Variants in RAD51B observed in about 807,000 individuals in gnomAD.
The protein encoded by RAD51B is DNA repair protein RAD51 homolog 2.
A neutral mutation model predicts 42.2 loss-of-function variants in RAD51B; 38 were observed. The observed-to-expected ratio is 0.90, with a 90% CI of 0.70 to 1.18. The LOEUF (loss-of-function observed/expected upper bound fraction) is 1.18, where lower values mean the gene tolerates loss of function less well. Ranked by LOEUF, RAD51B falls within the 50% of genes most tolerant of loss-of-function variation. The probability of loss-of-function intolerance (pLI) is 0.00; values close to 1 mark genes in which losing one functional copy is unlikely to be tolerated. For missense variants in RAD51B, 373 were observed against 400.7 expected (o/e 0.93, Z 0.59); for synonymous variants, 154 against 145.2 (o/e 1.06, Z -0.43).
At chr14:67,926,417 TTC>T (rs2044507845) in intron 7 of RAD51B, among the ~76,000 whole-genome samples, 1 of 152,172 alleles carries the variant, frequency 6.6e-6, no homozygotes, top group African/African-American at 2.4e-5. Context: ...AGTTAACAAG[TTC>T]GTCATCTTTA....
At chr14:68,033,313 A>C (rs774250567) in intron 7 of RAD51B, among the ~76,000 whole-genome samples, 48 of 152,268 alleles carry the variant, frequency 3.2e-4, no homozygotes, top group Non-Finnish European at 4.6e-4. Context: ...GTGGAAAATA[A>C]TAATGCTGCT....
At chr14:67,998,370 G>A (rs190751619) in intron 7 of RAD51B, among the ~76,000 whole-genome samples, 1 of 152,250 alleles carries the variant, frequency 6.6e-6, no homozygotes, top group East Asian at 1.9e-4. Flanking sequence ...GTCTATTTCG[G>A]AAAAATTAGA....
At chr14:68,511,949 T>A (rs998752725) in intron 10 of RAD51B, among the ~76,000 whole-genome samples, 1 of 152,260 alleles carries the variant, frequency 6.6e-6, no homozygotes, top group Non-Finnish European at 1.5e-5. Context: ...TAGGCACTGC[T>A]AATTTTGTTT....
At position 68,563,821 on chromosome 14, in the gene RAD51B, G is replaced by C. The variant is rs540532241; in HGVS notation, c.1037-30664G>C. ...ACAGCTCGGTAATGAGCAGTCCTTGGAACGTGCTTTTTTACCTCCTCTTGA... is the reference window on the plus strand; with the variant it reads ...ACAGCTCGGTAATGAGCAGTCCTTGCAACGTGCTTTTTTACCTCCTCTTGA... On this transcript the variant is annotated intron_variant, in intron 10 of 10. Transcript: ENST00000487270. 6.1e-5 allele frequency: 60 copies of C among 985,412 alleles called. No homozygotes were observed. In the African/African-American group the frequency reaches 1.0e-3, roughly 17 times the overall value. 61.0% of individuals were successfully genotyped at this position (985,412 alleles called of 1,614,324 possible). A position where few individuals can be genotyped will look rare whatever the true frequency, so the allele number is the denominator to read the frequency against.
intron 10 of RAD51B, among the ~76,000 whole-genome samples, chr14:68,633,961 CAG>C (rs1410790107): frequency 6.6e-6 from 1 of 152,200 alleles, no homozygotes; most frequent in East Asian, 1.9e-4. Flanking sequence ...AAAATGTGCA[CAG>C]AGAGAGTTTG....
intron 8 of RAD51B, among the ~76,000 whole-genome samples, chr14:68,342,579 CTCTCTCTCTCTG>C (rs764996409): frequency 6.6e-6 from 1 of 151,852 alleles, no homozygotes; most frequent in African/African-American, 2.4e-5. Context: ...CTCTCTCTCC[CTCTCTCTCTCTG>C]TCTCTCTCTT....
chr14:68,320,265 G>T (rs920225990), intron 8 of RAD51B, among the ~76,000 whole-genome samples: 1 of 152,182 alleles, frequency 6.6e-6, no homozygotes, highest in Non-Finnish European at 1.5e-5. Flanking sequence ...CAGAAATCTG[G>T]GCACTAGAAG....
At chr14:68,602,843 A>C (rs1437924929) in intron 10 of RAD51B, among the ~76,000 whole-genome samples, 2 of 152,216 alleles carry the variant, frequency 1.3e-5, no homozygotes, top group African/African-American at 4.8e-5. Context: ...ATTACCCATC[A>C]TGCTTTTCAT....
chr14:68,610,604 C>G (rs116406975), intron 10 of RAD51B, among the ~76,000 whole-genome samples: 370 of 152,334 alleles, frequency 2.4e-3, no homozygotes, highest in African/African-American at 8.5e-3. Context: ...ACCATAGCCA[C>G]CTGCTGCTCA....
intron 7 of RAD51B, among the ~76,000 whole-genome samples, chr14:68,001,017 A>G (rs1425681586): frequency 6.6e-6 from 1 of 152,124 alleles, no homozygotes; most frequent in South Asian, 2.1e-4. Flanking sequence ...TAGGTATTCT[A>G]TAATATTATA....
chr14:68,373,463 T>C (rs754275694), intron 8 of RAD51B, among the ~76,000 whole-genome samples: 64 of 152,150 alleles, frequency 4.2e-4, no homozygotes, highest in Non-Finnish European at 7.3e-4. Context: ...GTTTATGTCC[T>C]TTTCAGGGAC....
chr14:68,405,015 T>C (rs974195176), intron 8 of RAD51B, among the ~76,000 whole-genome samples: 4 of 152,176 alleles, frequency 2.6e-5, no homozygotes, highest in African/African-American at 9.7e-5. Flanking sequence ...GGAGTAGTGG[T>C]TAAAACTCAG....
intron 11 of RAD51B, among the ~76,000 whole-genome samples, chr14:68,662,273 C>T (rs75119596): frequency 0.017 from 2,604 of 152,346 alleles, 68 homozygotes; most frequent in African/African-American, 0.059. Flanking sequence ...TGCCCCATCC[C>T]GGGCATGTAT....
At chr14:68,232,420 A>T (rs2080167189) in intron 7 of RAD51B, among the ~76,000 whole-genome samples, 2 of 152,234 alleles carry the variant, frequency 1.3e-5, no homozygotes, top group South Asian at 4.1e-4. Flanking sequence ...GGTGCTGGGA[A>T]ACCAACCTGG....
intron 7 of RAD51B, among the ~76,000 whole-genome samples, chr14:68,224,142 T>C (rs1376973423): frequency 6.6e-6 from 1 of 152,196 alleles, no homozygotes; most frequent in East Asian, 1.9e-4. Context: ...CAAATGACTT[T>C]GTTTTCCGGA....
intron 9 of RAD51B, among the ~76,000 whole-genome samples, chr14:68,454,194 G>A (rs1225305217): frequency 6.6e-6 from 1 of 152,118 alleles, no homozygotes; most frequent in African/African-American, 2.4e-5. Context: ...TTTTAAAACA[G>A]AAAAAGGAGG....
intron 9 of RAD51B, among the ~76,000 whole-genome samples, chr14:68,426,571 G>A (rs928806337): frequency 8.5e-5 from 13 of 152,250 alleles, no homozygotes; most frequent in South Asian, 2.1e-4. Context: ...CCATGACATC[G>A]AAGAACTGTG....
chr14:68,078,670 T>C (rs1011294227), intron 7 of RAD51B, among the ~76,000 whole-genome samples: 3 of 152,160 alleles, frequency 2.0e-5, no homozygotes, highest in African/African-American at 7.2e-5. Context: ...GAATAAGTCA[T>C]TGGTTTTATC....
intron 9 of RAD51B, among the ~76,000 whole-genome samples, chr14:68,465,947 AAAAAAAAT>A (rs1437881972): frequency 5.1e-5 from 3 of 58,750 alleles, no homozygotes; most frequent in African/African-American, 2.1e-4. Flanking sequence ...TCTCAAAAAA[AAAAAAAAT>A]AAATAAATAA....
Sources: gnomAD v4.1 joint callset for allele counts (sites outside exome capture counted in the v4.1 genomes callset) on GRCh38, gnomAD v4.1.1 for gene constraint, MANE v1.5 for transcripts, NCBI Gene and HGNC (gene_info 2026-07-23, HGNC 2026-07-21) for gene names.